DLG2: variants seen among roughly 807,000 people sequenced by gnomAD.
The protein encoded by DLG2 is disks large homolog 2.
Under a neutral mutation model 132.5 loss-of-function variants are expected in DLG2, and 45 were observed. That is an observed-to-expected ratio of 0.34 (90% confidence interval 0.27 to 0.44). The LOEUF (loss-of-function observed/expected upper bound fraction) is 0.44, where lower values mean the gene tolerates loss of function less well. DLG2 is among the 20% of genes least tolerant of loss of function. DLG2 has a pLI of 1.00. For missense variants in DLG2, 1,045 were observed against 1,196.9 expected, an observed-to-expected ratio of 0.87 and a Z score of 1.87; for synonymous variants, 424 against 419.6, an observed-to-expected ratio of 1.01 and a Z score of -0.13.
intron 6 of DLG2, among the ~76,000 whole-genome samples, chr11:84,830,403 AG>A (rs1265068832): frequency 6.6e-6 from 1 of 151,286 alleles, no homozygotes; most frequent in Non-Finnish European, 1.5e-5. Flanking sequence ...AGGAACTTAA[AG>A]GAACAGGCAG....
chr11:85,620,419 T>C (rs1371868835), intron 2 of DLG2, among the ~76,000 whole-genome samples: 2 of 152,206 alleles, frequency 1.3e-5, no homozygotes, highest in Admixed American at 6.5e-5. Flanking sequence ...ACGTTACACA[T>C]TTCTCACACT....
intron 3 of DLG2, among the ~76,000 whole-genome samples, chr11:85,409,418 T>C (rs2089105254): frequency 6.6e-6 from 1 of 151,888 alleles, no homozygotes; most frequent in African/African-American, 2.4e-5. Flanking sequence ...TATAAAAATG[T>C]CTACATCAGG....
At chr11:85,159,749 G>A (rs1395943178) in intron 4 of DLG2, among the ~76,000 whole-genome samples, 1 of 152,212 alleles carries the variant, frequency 6.6e-6, no homozygotes, top group Non-Finnish European at 1.5e-5. Context: ...AGACCCATCA[G>A]AAACAATTTG....
chr11:84,586,008 G>A (rs139961620), intron 6 of DLG2, among the ~76,000 whole-genome samples: 5,103 of 152,198 alleles, frequency 0.034, 98 homozygotes, highest in Middle Eastern at 0.058. Context: ...AAAACTAGCC[G>A]GGCATGATGG....
chr11:84,681,914 A>G (rs935002876), intron 6 of DLG2, among the ~76,000 whole-genome samples: 2 of 152,094 alleles, frequency 1.3e-5, no homozygotes, highest in African/African-American at 4.8e-5. Flanking sequence ...CTATTATAGT[A>G]TCTGCTTCTA....
At chr11:85,367,068 G>A (rs2084614422) in intron 3 of DLG2, among the ~76,000 whole-genome samples, 1 of 152,102 alleles carries the variant, frequency 6.6e-6, no homozygotes, top group African/African-American at 2.4e-5. Context: ...TAATGGCAAT[G>A]TATTTAGCGT....
chr11:84,587,409 T>C (rs546185041), intron 6 of DLG2, among the ~76,000 whole-genome samples: 2 of 152,264 alleles, frequency 1.3e-5, no homozygotes, highest in South Asian at 4.1e-4. Context: ...CCATGACCCC[T>C]GAGCCAAAAT....
At chr11:85,556,152 T>C (rs998489481) in intron 3 of DLG2, among the ~76,000 whole-genome samples, 1 of 151,864 alleles carries the variant, frequency 6.6e-6, no homozygotes, top group African/African-American at 2.4e-5. Flanking sequence ...TATATGGTTA[T>C]CTAATACAAT....
chr11:85,457,456 A>T (rs1352669782), intron 3 of DLG2, among the ~76,000 whole-genome samples: 1 of 152,198 alleles, frequency 6.6e-6, no homozygotes, highest in Non-Finnish European at 1.5e-5. Flanking sequence ...TAATATTGAT[A>T]TATGCCAATT....
At chr11:84,419,023 A>T (rs2098939481) in intron 7 of DLG2, among the ~76,000 whole-genome samples, 1 of 152,208 alleles carries the variant, frequency 6.6e-6, no homozygotes, top group Admixed American at 6.5e-5. Flanking sequence ...CCTTAAGGGC[A>T]AATGTTCTCT....
chr11:85,569,064 C>T (rs2077699623), intron 3 of DLG2, among the ~76,000 whole-genome samples: 2 of 152,188 alleles, frequency 1.3e-5, no homozygotes, highest in Admixed American at 6.5e-5. Context: ...TGGAGTCTCG[C>T]TCTGTCGCCC....
At chr11:85,375,070 T>TC (rs901664704) in intron 3 of DLG2, among the ~76,000 whole-genome samples, 1 of 152,094 alleles carries the variant, frequency 6.6e-6, no homozygotes, top group Non-Finnish European at 1.5e-5. Flanking sequence ...TCTTTTTTTT[T>TC]CCCTTTGTTC....
chr11:84,618,125 G>T (rs1339884574), intron 6 of DLG2, among the ~76,000 whole-genome samples: 1 of 151,998 alleles, frequency 6.6e-6, no homozygotes, highest in Admixed American at 6.6e-5. Flanking sequence ...TAAAAAGTGT[G>T]TCATATTCAG....
chr11:84,336,654 A>G (rs1223720592), intron 7 of DLG2, among the ~76,000 whole-genome samples: 1 of 152,118 alleles, frequency 6.6e-6, no homozygotes, highest in Non-Finnish European at 1.5e-5. Flanking sequence ...TCTAGTACTA[A>G]GCCACAAGCC....
intron 6 of DLG2, among the ~76,000 whole-genome samples, chr11:84,714,611 TTCTC>T: frequency 1.1e-5 from 1 of 93,528 alleles, no homozygotes; most frequent in African/African-American, 4.6e-5. Context: ...CTCTTTCTCT[TTCTC>T]TTTCTCTTTC....
At chr11:83,859,393 C>T (rs771615983) in intron 16 of DLG2, among the ~76,000 whole-genome samples, 52 of 152,242 alleles carry the variant, frequency 3.4e-4, no homozygotes, top group Admixed American at 2.2e-3. Context: ...CAGATGGAAA[C>T]GGGGAACTTG....
At chr11:83,528,782 G>A (rs1672533444) in intron 21 of DLG2, among the ~76,000 whole-genome samples, 1 of 152,064 alleles carries the variant, frequency 6.6e-6, no homozygotes, top group Non-Finnish European at 1.5e-5. Flanking sequence ...TAAATTGATG[G>A]AAAACATTAG....
chr11:84,025,088 T>C (rs545334315), intron 11 of DLG2, among the ~76,000 whole-genome samples: 2 of 152,262 alleles, frequency 1.3e-5, no homozygotes, highest in South Asian at 2.1e-4. Flanking sequence ...AAAAAGACTA[T>C]TCAGTGTATC....
intron 3 of DLG2, among the ~76,000 whole-genome samples, chr11:85,528,612 A>T (rs2153189065): frequency 6.6e-6 from 1 of 152,330 alleles, no homozygotes; most frequent in African/African-American, 2.4e-5. Flanking sequence ...ATAACCTACA[A>T]ATTAGCAATT....
Sources: gnomAD v4.1 joint callset for allele counts (sites outside exome capture counted in the v4.1 genomes callset) on GRCh38, gnomAD v4.1.1 for gene constraint, MANE v1.5 for transcripts, NCBI Gene and HGNC (gene_info 2026-07-23, HGNC 2026-07-21) for gene names.